Variants in LINGO2 observed in about 807,000 individuals in gnomAD.
LINGO2 encodes the protein leucine-rich repeat and immunoglobulin-like domain-containing nogo receptor-interacting protein 2.
A neutral mutation model predicts 30.6 loss-of-function variants in LINGO2; 14 were observed. The observed-to-expected ratio is 0.46, with a 90% CI of 0.30 to 0.72. The LOEUF (loss-of-function observed/expected upper bound fraction) is 0.72. LINGO2 is among the 30% of genes least tolerant of loss of function. LINGO2 has a pLI of 0.07. For synonymous variants in LINGO2, 317 were observed against 288.5 expected (o/e 1.10, Z -1.00); for missense variants, 729 against 751.7 (o/e 0.97, Z 0.35).
At chr9:28,237,272 G>A (rs1263871547) in intron 4 of LINGO2, among the ~76,000 whole-genome samples, 1 of 151,570 alleles carries the variant, frequency 6.6e-6, no homozygotes, top group East Asian at 1.9e-4. Flanking sequence ...AATTGAAAAA[G>A]CATACAATAG....
rs560074025 is a variant in LINGO2 at position 28,578,585 on chromosome 9, A to G, written c.-365+91615T>C. On this transcript the variant is annotated intron_variant, in intron 1 of 5. Coordinates refer to ENST00000379992, the Ensembl canonical transcript of LINGO2. Reference sequence around the variant, plus strand: ...GGTAGTTTGTGTTACCAGGAAAAACAGTTTCCTTGCTGTTAAACAAGTCCA... The same window carrying G: ...GGTAGTTTGTGTTACCAGGAAAAACGGTTTCCTTGCTGTTAAACAAGTCCA... Among the ~76,000 whole-genome samples the G allele has an allele frequency of 4.6e-5, 7 of 152,266 alleles. No individual in the cohort carries two copies. The South Asian group carries it at 1.5e-3, about 32-fold the overall frequency.
chr9:28,163,032 G>C (rs538635974), intron 4 of LINGO2, among the ~76,000 whole-genome samples: 9 of 152,250 alleles, frequency 5.9e-5, no homozygotes, highest in Admixed American at 1.3e-4. Flanking sequence ...AACAGATTGA[G>C]AAGTGTGGAT....
intron 1 of LINGO2, among the ~76,000 whole-genome samples, chr9:28,553,550 T>G (rs1360588100): frequency 6.6e-6 from 1 of 151,988 alleles, no homozygotes; most frequent in Non-Finnish European, 1.5e-5. Context: ...ATGGGGAGAA[T>G]GGAACCAAGT....
the LINGO2 span, among the ~76,000 whole-genome samples, chr9:29,083,534 A>G: frequency 8.5e-5 from 13 of 152,070 alleles, no homozygotes; most frequent in African/African-American, 1.2e-4. Context: ...ATACATATGT[A>G]ACAAACCTGC....
At chr9:29,133,475 A>G in the LINGO2 span, among the ~76,000 whole-genome samples, 5 of 152,178 alleles carry the variant, frequency 3.3e-5, no homozygotes, top group African/African-American at 9.6e-5. Context: ...CCTAAAAAGA[A>G]TTATTAGAAA....
chr9:28,892,471 A>C, the LINGO2 span, among the ~76,000 whole-genome samples: 1 of 152,042 alleles, frequency 6.6e-6, no homozygotes, highest in East Asian at 1.9e-4. Flanking sequence ...TCTGACAAAA[A>C]GATTTCTGAC....
intron 1 of LINGO2, among the ~76,000 whole-genome samples, chr9:28,538,892 A>G (rs1372034710): frequency 6.6e-6 from 1 of 152,098 alleles, no homozygotes; most frequent in African/African-American, 2.4e-5. Context: ...AGCTAATAAA[A>G]TAGATTGAGA....
chr9:28,204,424 C>G (rs1361631918), intron 4 of LINGO2, among the ~76,000 whole-genome samples: 1 of 152,176 alleles, frequency 6.6e-6, no homozygotes, highest in Non-Finnish European at 1.5e-5. Context: ...GCTCTTTCTT[C>G]AACTGTGTCA....
rs750517893 is a variant in LINGO2 at position 28,207,881 on chromosome 9, T to A, written c.-87+87327A>T. ...AAAGAGAAAGAGGGTGTTTTTTTTTTAAATGTTTTGCATGAAACTTGGCTC... is the reference window on the plus strand; with the variant it reads ...AAAGAGAAAGAGGGTGTTTTTTTTTAAAATGTTTTGCATGAAACTTGGCTC... On this transcript the variant is annotated intron_variant, in intron 4 of 5. Transcript: ENST00000379992. Among the ~76,000 whole-genome samples the A allele has an allele frequency of 7.2e-4, 109 of 152,148 alleles. 1 individual carries two copies. The highest frequency in any genetic ancestry group is 1.2e-3 in the Non-Finnish European group (83 of 67,950).
At chr9:27,992,356 G>A (rs1209234281) in intron 5 of LINGO2, among the ~76,000 whole-genome samples, 1 of 152,110 alleles carries the variant, frequency 6.6e-6, no homozygotes, top group African/African-American at 2.4e-5. Context: ...AAATCATGAT[G>A]TGTTGGTTCA....
chr9:28,546,546 G>T (rs570938704), intron 1 of LINGO2, among the ~76,000 whole-genome samples: 12 of 152,164 alleles, frequency 7.9e-5, no homozygotes, highest in African/African-American at 2.6e-4. Context: ...AGGGTCTTAT[G>T]ATCTATTATT....
At chr9:28,206,980 A>T (rs1820430099) in intron 4 of LINGO2, among the ~76,000 whole-genome samples, 2 of 152,156 alleles carry the variant, frequency 1.3e-5, no homozygotes, top group African/African-American at 4.8e-5. Flanking sequence ...CACATTATGT[A>T]TACCTTTTGT....
At chr9:27,955,157 G>A (rs1819504882) in intron 5 of LINGO2, among the ~76,000 whole-genome samples, 1 of 152,094 alleles carries the variant, frequency 6.6e-6, no homozygotes, top group South Asian at 2.1e-4. Flanking sequence ...TTAAAAAAAG[G>A]CTCAACTAAG....
At chr9:29,032,250 C>T in the LINGO2 span, among the ~76,000 whole-genome samples, 24,513 of 152,052 alleles carry the variant, frequency 0.16, 2,194 homozygotes, top group South Asian at 0.21. Context: ...AAAGGAAAGT[C>T]AAGTGTTTAT....
intron 5 of LINGO2, among the ~76,000 whole-genome samples, chr9:27,951,629 T>C (rs1819317543): frequency 6.6e-6 from 1 of 152,146 alleles, no homozygotes; most frequent in Non-Finnish European, 1.5e-5. Flanking sequence ...GTGGATAGTT[T>C]AGCAGATACT....
At chr9:29,049,376 C>T in the LINGO2 span, among the ~76,000 whole-genome samples, 24,664 of 151,918 alleles carry the variant, frequency 0.16, 2,217 homozygotes, top group South Asian at 0.21. Flanking sequence ...GAATGTACAT[C>T]AGTATAACAG....
the LINGO2 span, among the ~76,000 whole-genome samples, chr9:28,925,495 A>G: frequency 6.6e-6 from 1 of 152,210 alleles, no homozygotes; most frequent in East Asian, 1.9e-4. Flanking sequence ...CCCCATGCAA[A>G]CTGTGATACA....
At chr9:28,459,764 C>A (rs76878820) in intron 2 of LINGO2, among the ~76,000 whole-genome samples, 3,210 of 151,992 alleles carry the variant, frequency 0.021, 110 homozygotes, top group African/African-American at 0.071. Context: ...GTTGCCTAGA[C>A]ATATTTGAAA....
At chr9:28,668,041 C>T (rs1828869292) in intron 1 of LINGO2, among the ~76,000 whole-genome samples, 1 of 152,096 alleles carries the variant, frequency 6.6e-6, no homozygotes, top group Non-Finnish European at 1.5e-5. Flanking sequence ...CACAATTTTT[C>T]TAGCTCTTAA....
Sources: allele counts gnomAD v4.1 joint callset (sites outside exome capture counted in the v4.1 genomes callset), GRCh38; gene constraint gnomAD v4.1.1; transcripts MANE v1.5; gene names NCBI Gene and HGNC (gene_info 2026-07-23, HGNC 2026-07-21).